The following LMTK2 variants were observed in gnomAD, a reference collection of about 807,000 sequenced individuals.
LMTK2 encodes the protein lemur tail kinase 2.
A neutral mutation model predicts 127.5 loss-of-function variants in LMTK2; 37 were observed. That is an observed-to-expected ratio of 0.29 (90% CI 0.22 to 0.38). The LOEUF is 0.38. Among genes scored for constraint, LMTK2 ranks in the 10% least tolerant of loss-of-function variants. LMTK2 has a pLI of 1.00. For synonymous variants in LMTK2, 819 were observed against 810.1 expected, an observed-to-expected ratio of 1.01 and a Z score of -0.19; for missense variants, 1,694 against 1,920.3, an observed-to-expected ratio of 0.88 and a Z score of 2.20.
intron 1 of LMTK2, among the ~76,000 whole-genome samples, chr7:98,123,581 C>A (rs777049226): frequency 1.3e-5 from 2 of 152,072 alleles, no homozygotes; most frequent in African/African-American, 4.8e-5. Context: ...TAGATCTGAA[C>A]AGTTGTAAAG....
intron 1 of LMTK2, among the ~76,000 whole-genome samples, chr7:98,122,108 T>C (rs371444392): frequency 6.6e-6 from 1 of 152,222 alleles, no homozygotes; most frequent in Non-Finnish European, 1.5e-5. Context: ...TTTTAAGAAG[T>C]GTAATCATAA....
chr7:98,109,763 A>C (rs888534254), intron 1 of LMTK2, among the ~76,000 whole-genome samples: 12 of 151,200 alleles, frequency 7.9e-5, no homozygotes, highest in South Asian at 2.1e-4. Flanking sequence ...AAAAAAAAAA[A>C]GAAAGGAAGA....
At chr7:98,150,810 T>C (rs1796842269) in intron 3 of LMTK2, among the ~76,000 whole-genome samples, 1 of 152,240 alleles carries the variant, frequency 6.6e-6, no homozygotes, top group Admixed American at 6.5e-5. Flanking sequence ...ATGCAAATTA[T>C]AGTGCAGACA....
intron 3 of LMTK2, among the ~76,000 whole-genome samples, chr7:98,143,738 T>C (rs1175171553): frequency 6.6e-6 from 1 of 152,194 alleles, no homozygotes; most frequent in Non-Finnish European, 1.5e-5. Context: ...TGTATCAAAA[T>C]ATGAGACATG....
At chr7:98,190,695 G>A (rs759257503) in intron 9 of LMTK2, 33 bp from the exon 10 acceptor site, 1 of 1,612,072 alleles carries the variant, frequency 6.2e-7, no homozygotes, top group Non-Finnish European at 8.5e-7. Context: ...CATCTAAAGG[G>A]AGAGAGAAAC....
chr7:98,127,198 A>G (rs1255788275), intron 1 of LMTK2, among the ~76,000 whole-genome samples: 1 of 152,226 alleles, frequency 6.6e-6, no homozygotes. Flanking sequence ...GTGATCTGCA[A>G]TAATTGTTCA....
chr7:98,153,069 GTCGGGAGTTCA>G (rs370325318), intron 4 of LMTK2, among the ~76,000 whole-genome samples: 240 of 152,302 alleles, frequency 1.6e-3, no homozygotes, highest in African/African-American at 5.5e-3. Context: ...GCAGGAGGAA[GTCGGGAGTTCA>G]TCTTTGCTAT....
chr7:98,185,198 C>A (rs969894030), intron 8 of LMTK2, 63 bp downstream of exon 8: 27 of 1,100,332 alleles, frequency 2.5e-5, no homozygotes, highest in Non-Finnish European at 3.3e-5. Flanking sequence ...TGTAATGTCA[C>A]CAAATGCCCC....
intron 9 of LMTK2, 25 bp downstream of exon 9, chr7:98,187,023 T>C (rs1172119611): frequency 6.3e-7 from 1 of 1,594,228 alleles, no homozygotes; most frequent in Admixed American, 1.8e-5. Flanking sequence ...ACCGTTTTAT[T>C]AGTCATTTCT....
At chr7:98,140,307 T>A (rs1383704868) in intron 2 of LMTK2, among the ~76,000 whole-genome samples, 1 of 151,612 alleles carries the variant, frequency 6.6e-6, no homozygotes, top group Non-Finnish European at 1.5e-5. Flanking sequence ...CCACCATGCC[T>A]GACTAATTTT....
chr7:98,122,186 T>G (rs1391769358), intron 1 of LMTK2, among the ~76,000 whole-genome samples: 1 of 152,220 alleles, frequency 6.6e-6, no homozygotes, highest in Non-Finnish European at 1.5e-5. Context: ...TATGCTTTTG[T>G]GGAGGTCTGG....
chr7:98,159,517 T>C (rs1037610242), intron 6 of LMTK2, 92 bp downstream of exon 6: 15 of 828,036 alleles, frequency 1.8e-5, no homozygotes, highest in Non-Finnish European at 2.9e-5. Context: ...GGGGTTGCTT[T>C]CATGTCTGTC....
intron 6 of LMTK2, among the ~76,000 whole-genome samples, chr7:98,161,237 CT>C (rs1797011897): frequency 6.6e-6 from 1 of 151,888 alleles, no homozygotes; most frequent in Admixed American, 6.6e-5. Flanking sequence ...ATATTTGTTT[CT>C]TAATTTTTTG....
At chr7:98,133,371 C>T (rs999682209) in intron 1 of LMTK2, among the ~76,000 whole-genome samples, 12 of 151,962 alleles carry the variant, frequency 7.9e-5, no homozygotes, top group Non-Finnish European at 1.3e-4. Flanking sequence ...TTGACCACGG[C>T]GGTATAGGGA....
At chr7:98,142,552 TA>T (rs1379615085) in intron 3 of LMTK2, among the ~76,000 whole-genome samples, 1 of 152,178 alleles carries the variant, frequency 6.6e-6, no homozygotes, top group South Asian at 2.1e-4. Flanking sequence ...TAAATGGAAA[TA>T]TTTTATTGTT....
intron 6 of LMTK2, among the ~76,000 whole-genome samples, chr7:98,160,569 G>A (rs757577301): frequency 1.2e-4 from 18 of 152,120 alleles, no homozygotes; most frequent in Non-Finnish European, 2.1e-4. Flanking sequence ...AAGAAAAAAA[G>A]AGAAAGTGTA....
intron 3 of LMTK2, among the ~76,000 whole-genome samples, chr7:98,151,112 T>C (rs571700806): frequency 2.6e-5 from 4 of 152,294 alleles, no homozygotes; most frequent in African/African-American, 9.6e-5. Flanking sequence ...TAAAGGCCAT[T>C]GGCCTGGTGA....
Position 98,137,375 on chromosome 7 carries a change from T to C in LMTK2, c.164T>C (p.Leu55Ser). 1 of 1,613,832 alleles carries C rather than the reference T, an allele frequency of 6.2e-7. No homozygotes were observed. The highest frequency in any genetic ancestry group is 8.5e-7 in the Non-Finnish European group (1 of 1,179,772). ...SSFVILCVCS[L>S]IILIVLIANC... Reference sequence around the variant, plus strand: ...TTTGTGATCCTGTGTGTGTGCAGTTTAATAATATTAATAGTGTTAATTGCA... The same window carrying C: ...TTTGTGATCCTGTGTGTGTGCAGTTCAATAATATTAATAGTGTTAATTGCA... The change falls in exon 2 of 14, where the codon TTA (leucine) becomes TCA (serine). Residue 55 changes from leucine (L) to serine (S), a missense_variant. Leu to Ser is a moderately radical substitution (Grantham distance 145, BLOSUM62 -2). This residue lies in a region of LMTK2 where 76 missense variants were observed against 82.0 expected (regional missense o/e 0.93). Transcript: ENST00000297293.
intron 6 of LMTK2, among the ~76,000 whole-genome samples, chr7:98,166,303 C>T (rs189901843): frequency 5.9e-5 from 9 of 152,374 alleles, no homozygotes; most frequent in African/African-American, 1.9e-4. Flanking sequence ...GCTGGAGCCA[C>T]ACGGAGTGGC....
Sources: gnomAD v4.1 joint callset for allele counts (sites outside exome capture counted in the v4.1 genomes callset) on GRCh38, gnomAD v4.1.1 for gene constraint, gnomAD v4.1.1 regional missense constraint, MANE v1.5 for transcripts, NCBI Gene and HGNC (gene_info 2026-07-23, HGNC 2026-07-21) for gene names.